Variants in HHIPL1 observed in about 807,000 individuals in gnomAD.
HHIPL1 encodes HHIP-like protein 1.
In HHIPL1, 43 loss-of-function variants were observed where a neutral mutation model predicts 61.8. The observed-to-expected ratio is 0.70, with a 90% CI of 0.55 to 0.90. The LOEUF is 0.90. HHIPL1 is among the 40% of genes least tolerant of loss of function. The pLI, the probability that HHIPL1 is intolerant of heterozygous loss-of-function variation, is 0.00. For synonymous variants in HHIPL1, 482 were observed against 515.8 expected (o/e 0.93, Z 0.89); for missense variants, 1,056 against 1,157.7 (o/e 0.91, Z 1.28).
chr14:99,616,060 G>A, the HHIPL1 span, among the ~76,000 whole-genome samples: 1 of 152,200 alleles, frequency 6.6e-6, no homozygotes, highest in Admixed American at 6.5e-5. Context: ...ATAGAGTCAC[G>A]TGCTGCTCCA....
Position 99,659,735 on chromosome 14 carries a change from C to T in HHIPL1, c.1354C>T (p.Leu452=), listed in dbSNP as rs1167342460. The T allele has an allele frequency of 6.9e-7, 1 of 1,447,998 alleles. No individual in the cohort carries two copies. Among genetic ancestry groups the T allele is most frequent in the Non-Finnish European group, 9.0e-7 (1 of 1,105,604 alleles). 89.7% of individuals were successfully genotyped at this position (1,447,998 alleles called of 1,614,324 possible). The change falls in exon 4 of 9, where the codon CTG becomes TTG. Residue 452 remains leucine, a synonymous_variant. Transcript: ENST00000330710. The part of the protein sequence containing the change: ...REGFECYDRS[L]CANTSLNDLL... ...AGGGTTCGAGTGCTACGACCGCAGC[C>T]TGTGCGCCAACACCTCTCTCAGTGA...
chr14:99,626,263 G>T, the HHIPL1 span, among the ~76,000 whole-genome samples: 6 of 146,182 alleles, frequency 4.1e-5, no homozygotes, highest in Non-Finnish European at 7.5e-5. Context: ...TGTGGGTGTA[G>T]CGGGGTGTGT....
the HHIPL1 span, among the ~76,000 whole-genome samples, chr14:99,614,832 A>AT: frequency 1.3e-5 from 2 of 152,266 alleles, no homozygotes; most frequent in Admixed American, 1.3e-4. Context: ...TAATGCCCTG[A>AT]TTTTTTTGTC....
At chr14:99,665,004 C>G (rs559492443) in intron 6 of HHIPL1, among the ~76,000 whole-genome samples, 38 of 151,954 alleles carry the variant, frequency 2.5e-4, no homozygotes, top group Non-Finnish European at 4.6e-4. Context: ...AACCTGCAAC[C>G]TCCACCTCCC....
At chr14:99,631,574 G>C in the HHIPL1 span, among the ~76,000 whole-genome samples, 1 of 152,144 alleles carries the variant, frequency 6.6e-6, no homozygotes, top group Admixed American at 6.5e-5. Flanking sequence ...GTTGGACTAG[G>C]CATGATCTGA....
rs539092893 is a variant in HHIPL1 at position 99,658,529 on chromosome 14, G to A, written c.1047-899G>A. On this transcript the variant is annotated intron_variant, in intron 3 of 8. Coordinates refer to ENST00000330710, the MANE Select transcript of HHIPL1 (RefSeq NM_001127258.3). The stretch of plus-strand genomic sequence containing the variant: ...CGCTATGTGAGGATGATGGAATACA[G>A]CTTCACAAACCCTGCCTTGAAAAGC... Among the ~76,000 whole-genome samples the A allele has an allele frequency of 2.6e-5, 4 of 152,300 alleles. No homozygotes were observed. In the South Asian group the frequency reaches 8.3e-4, roughly 32 times the overall value.
chr14:99,667,548 A>G (rs2056265349), intron 6 of HHIPL1, among the ~76,000 whole-genome samples: 1 of 152,082 alleles, frequency 6.6e-6, no homozygotes, highest in African/African-American at 2.4e-5. Flanking sequence ...ACCATCACAC[A>G]GCTGCTGGAG....
chr14:99,652,501 C>T lies in HHIPL1; in HGVS notation c.533C>T (p.Ala178Val). 10 of 1,613,784 alleles carry T rather than the reference C, an allele frequency of 6.2e-6. No homozygotes were observed. The highest frequency in any genetic ancestry group is 8.5e-6 in the Non-Finnish European group (10 of 1,180,034). ...NSNLGHVVAD[A>V]KGCLQLCLEE... Reference sequence around the variant, plus strand: ...AACCTGGGCCACGTGGTAGCCGATGCCAAGGGCTGCCTGCAGCTGTGCCTG... The same window carrying T: ...AACCTGGGCCACGTGGTAGCCGATGTCAAGGGCTGCCTGCAGCTGTGCCTG... The change falls in exon 2 of 9, where the codon GCC becomes GTC. Residue 178 changes from alanine to valine, a missense_variant. Physicochemically the swap from Ala to Val is moderately conservative, Grantham distance 64. Transcript: ENST00000330710.
At position 99,645,261 on chromosome 14, in the gene HHIPL1, C is replaced by A; in HGVS notation, c.54C>A (p.Ala18=). 1 of 1,400,996 alleles carries A rather than the reference C, an allele frequency of 7.1e-7. No individual in the cohort carries two copies. The highest frequency in any genetic ancestry group is 1.5e-5 in the South Asian group (1 of 64,858). 86.8% of individuals were successfully genotyped at this position (1,400,996 alleles called of 1,614,324 possible). Residue 18 remains alanine, a synonymous_variant, in exon 1 of 9, where the codon GCC becomes GCA. Transcript: ENST00000330710. ...ALLALWVLGA[A]AHPQCLDFRP... ...TGGCGCTTTGGGTGCTCGGGGCCGCCGCGCATCCGCAGTGCCTGGACTTCA... is the reference window on the plus strand; with the variant it reads ...TGGCGCTTTGGGTGCTCGGGGCCGCAGCGCATCCGCAGTGCCTGGACTTCA...
chr14:99,611,606 T>A, the HHIPL1 span, among the ~76,000 whole-genome samples: 94,377 of 145,544 alleles, frequency 0.65, 33,463 homozygotes, highest in South Asian at 0.87. Context: ...TTTTTTTTTT[T>A]AAAGAAAGAT....
At chr14:99,605,471 C>G in the HHIPL1 span, among the ~76,000 whole-genome samples, 483 of 152,292 alleles carry the variant, frequency 3.2e-3, 3 homozygotes, top group African/African-American at 0.011. Context: ...GGAGCGCGCG[C>G]CCGCGCAGCA....
chr14:99,615,991 T>C, the HHIPL1 span, among the ~76,000 whole-genome samples: 1 of 152,140 alleles, frequency 6.6e-6, no homozygotes, highest in Non-Finnish European at 1.5e-5. Flanking sequence ...ACCCAGAAGT[T>C]GTACAAGGAA....
the HHIPL1 span, among the ~76,000 whole-genome samples, chr14:99,632,186 G>T: frequency 6.6e-5 from 10 of 152,224 alleles, no homozygotes; most frequent in Admixed American, 6.5e-4. Flanking sequence ...GAGTAGCTTT[G>T]CACACAGGTG....
chr14:99,614,592 A>G, the HHIPL1 span, among the ~76,000 whole-genome samples: 11 of 152,232 alleles, frequency 7.2e-5, no homozygotes, highest in African/African-American at 2.4e-5. Context: ...GTGATTTAGC[A>G]GCCAGATCTG....
the HHIPL1 span, among the ~76,000 whole-genome samples, chr14:99,633,349 T>C: frequency 6.6e-6 from 1 of 152,210 alleles, no homozygotes; most frequent in Admixed American, 6.5e-5. Context: ...TGACAGGCAC[T>C]GTGGGGACAC....
At chr14:99,644,018 G>A (rs1055022732), upstream of HHIPL1, among the ~76,000 whole-genome samples, 3 of 152,148 alleles carry the variant, frequency 2.0e-5, no homozygotes, top group African/African-American at 4.8e-5. Context: ...AAGTCCCTGC[G>A]TTAAATTCCC....
chr14:99,638,882 C>G, the HHIPL1 span, among the ~76,000 whole-genome samples: 1 of 152,252 alleles, frequency 6.6e-6, no homozygotes, highest in Admixed American at 6.5e-5. Context: ...CCCACCGCCA[C>G]ACAAGCACCT....
intron 5 of HHIPL1, among the ~76,000 whole-genome samples, chr14:99,661,674 C>T (rs993809904): frequency 6.6e-6 from 1 of 152,118 alleles, no homozygotes; most frequent in Non-Finnish European, 1.5e-5. Context: ...TGCTCCATTG[C>T]CCAAGCTAAT....
the HHIPL1 span, among the ~76,000 whole-genome samples, chr14:99,629,466 G>A: frequency 1.3e-5 from 2 of 151,996 alleles, no homozygotes; most frequent in Non-Finnish European, 2.9e-5. Flanking sequence ...TAGGCACAGG[G>A]TAGGAGGGAC....
Sources: gnomAD v4.1 joint callset for allele counts (sites outside exome capture counted in the v4.1 genomes callset) on GRCh38, gnomAD v4.1.1 for gene constraint, MANE v1.5 for transcripts, NCBI Gene and HGNC (gene_info 2026-07-23, HGNC 2026-07-21) for gene names.